The following MTA3 variants were observed in gnomAD, a reference collection of about 807,000 sequenced individuals.
The protein encoded by MTA3 is metastasis-associated protein MTA3.
Under a neutral mutation model 83.5 loss-of-function variants are expected in MTA3, and 34 were observed. That is an observed-to-expected ratio of 0.41 (90% CI 0.31 to 0.54). MTA3 has a LOEUF of 0.54. Ranked by LOEUF, MTA3 falls within the 20% of genes least tolerant of loss-of-function variation. The probability of loss-of-function intolerance (pLI) is 0.33; values close to 1 mark genes in which losing one functional copy is unlikely to be tolerated. For synonymous variants in MTA3, 303 were observed against 252.7 expected (o/e 1.20, Z -1.89); for missense variants, 761 against 726.4 (o/e 1.05, Z -0.55).
chr2:42,591,167 G>C (rs1573105271), intron 3 of MTA3, among the ~76,000 whole-genome samples: 1 of 151,982 alleles, frequency 6.6e-6, no homozygotes, highest in African/African-American at 2.4e-5. Context: ...TTGTACTTAG[G>C]GTACAAATCT....
At chr2:42,672,128 A>C (rs755545521) in intron 8 of MTA3, among the ~76,000 whole-genome samples, 12 of 152,152 alleles carry the variant, frequency 7.9e-5, no homozygotes, top group Non-Finnish European at 1.6e-4. Flanking sequence ...AATTACGCTC[A>C]TAGTAAGTTT....
At chr2:42,627,727 T>TG in intron 4 of MTA3, among the ~76,000 whole-genome samples, 4 of 19,972 alleles carry the variant, frequency 2.0e-4, no homozygotes, top group African/African-American at 6.3e-4. Flanking sequence ...CTGGCTAAAT[T>TG]TTTTTTTTTT....
intron 3 of MTA3, among the ~76,000 whole-genome samples, chr2:42,579,466 A>AC (rs1380152104): frequency 6.7e-6 from 1 of 149,016 alleles, no homozygotes; most frequent in Non-Finnish European, 1.5e-5. Flanking sequence ...TTGCTCTGTC[A>AC]CCCAGGCTGG....
Position 42,644,173 on chromosome 2 carries a change from T to C in MTA3, c.428T>C (p.Leu143Pro), listed in dbSNP as rs1202815453. ...GTCTATGACCCCTCATTGAAAACAC[T>C]ATTAGCTGACAAAGGTGAAATCAGA... is the stretch of plus-strand genomic sequence containing the variant. ...SLVYDPSLKT[L>P]LADKGEIRVG... is the part of the protein sequence containing the mutation. Residue 143 changes from leucine (L) to proline (P), a missense_variant, in exon 6 of 17, where the codon CTA becomes CCA. Transcript: ENST00000405094. 2.5e-6 allele frequency: 4 copies of C among 1,613,160 alleles called. No homozygotes were observed. Among genetic ancestry groups the C allele is most frequent in the African/African-American group, 1.3e-5 (1 of 74,896 alleles).
chr2:42,542,545 T>TTTTA (rs979429919), intron 2 of MTA3, among the ~76,000 whole-genome samples: 26 of 152,048 alleles, frequency 1.7e-4, no homozygotes, highest in South Asian at 1.7e-3. Flanking sequence ...TAATCTTTTA[T>TTTTA]TTTATTTATT....
chr2:42,537,005 A>G (rs1219763863), intron 2 of MTA3, among the ~76,000 whole-genome samples: 1 of 152,186 alleles, frequency 6.6e-6, no homozygotes. Flanking sequence ...TGTAGAACAC[A>G]TCCAAGGTCT....
At position 42,619,916 on chromosome 2, in the gene MTA3, G is replaced by A. The variant is rs565316458; in HGVS notation, c.317+10332G>A. On this transcript the variant is annotated intron_variant, in intron 4 of 16. Transcript: ENST00000405094. Reference sequence around the variant, plus strand: ...AGAACGCTGTGCATTCACAGTTTAAGAAAAAAACAAAGGCAAGTTCTACTT... The same window carrying A: ...AGAACGCTGTGCATTCACAGTTTAAAAAAAAAACAAAGGCAAGTTCTACTT... 5.9e-5 allele frequency among the ~76,000 whole-genome samples: 9 copies of A among 152,080 alleles called. No homozygotes were observed. In the East Asian group the frequency reaches 1.3e-3, roughly 23 times the overall value.
chr2:42,615,711 CTTT>C lies in MTA3; in HGVS notation c.317+6152_317+6154del, dbSNP rs35331224. Among the ~76,000 whole-genome samples the C allele has an allele frequency of 8.4e-3, 504 of 59,646 alleles. 1 individual carries two copies. The highest frequency in any genetic ancestry group is 0.025 in the Middle Eastern group (1 of 40). 39.1% of individuals were successfully genotyped at this position (59,646 alleles called of 152,430 possible). A position where few individuals can be genotyped will look rare whatever the true frequency, so the allele number is the denominator to read the frequency against. ...ACCACAGATACTTGAATAATCTCTT[CTTT>C]TTTTTTTTTTTTTTTTTTTTTTTTG... On this transcript the variant is annotated intron_variant, in intron 4 of 16. Transcript: ENST00000405094.
At chr2:42,656,909 G>A (rs1372689275) in intron 7 of MTA3, among the ~76,000 whole-genome samples, 1 of 152,184 alleles carries the variant, frequency 6.6e-6, no homozygotes, top group Non-Finnish European at 1.5e-5. Flanking sequence ...GCAATTGAAT[G>A]AATTAAAGCT....
intron 8 of MTA3, among the ~76,000 whole-genome samples, chr2:42,672,684 A>T (rs1460067432): frequency 7.0e-6 from 1 of 143,864 alleles, no homozygotes; most frequent in Non-Finnish European, 1.5e-5. Flanking sequence ...AGTAATCAAA[A>T]GGTGTGAGTA....
chr2:42,718,907 T>C, intron 14 of MTA3, 81 bp from the exon 15 acceptor site: 1 of 1,053,778 alleles, frequency 9.5e-7, no homozygotes, highest in South Asian at 1.4e-5. Flanking sequence ...TTTCCACTTG[T>C]ACCTTTATTT....
At chr2:42,498,844 A>C (rs991697206) in intron 2 of MTA3, among the ~76,000 whole-genome samples, 7 of 152,202 alleles carry the variant, frequency 4.6e-5, no homozygotes, top group Non-Finnish European at 8.8e-5. Flanking sequence ...AGCCACAGTA[A>C]TTTAGAAATT....
At chr2:42,595,676 C>T (rs1215627015) in intron 3 of MTA3, among the ~76,000 whole-genome samples, 2 of 152,076 alleles carry the variant, frequency 1.3e-5, no homozygotes, top group Non-Finnish European at 2.9e-5. Flanking sequence ...TGTCCTCTAC[C>T]TTCCCATGTT....
intron 14 of MTA3, among the ~76,000 whole-genome samples, chr2:42,717,566 G>A (rs1468453650): frequency 1.3e-5 from 2 of 152,018 alleles, no homozygotes; most frequent in Non-Finnish European, 2.9e-5. Flanking sequence ...CTTACAATAG[G>A]GTATAATGAG....
intron 2 of MTA3, among the ~76,000 whole-genome samples, chr2:42,573,472 A>G (rs1211112821): frequency 1.3e-5 from 2 of 152,004 alleles, no homozygotes; most frequent in African/African-American, 4.8e-5. Context: ...TCAGCTTTCC[A>G]AGTAGCTGAG....
chr2:42,607,866 A>G (rs1045191638), intron 3 of MTA3, among the ~76,000 whole-genome samples: 1 of 152,102 alleles, frequency 6.6e-6, no homozygotes, highest in African/African-American at 2.4e-5. Context: ...CAGGAGAATC[A>G]CTTGAACCCG....
At chr2:42,518,463 T>C (rs1675257291) in intron 2 of MTA3, among the ~76,000 whole-genome samples, 1 of 152,098 alleles carries the variant, frequency 6.6e-6, no homozygotes, top group Non-Finnish European at 1.5e-5. Context: ...GCTAGAGCAA[T>C]TTGAATAACA....
intron 4 of MTA3, among the ~76,000 whole-genome samples, chr2:42,612,155 C>G (rs1027248852): frequency 6.6e-6 from 1 of 151,792 alleles, no homozygotes. Flanking sequence ...AGAGATGGAA[C>G]ATAAAAACGT....
intron 16 of MTA3, among the ~76,000 whole-genome samples, chr2:42,737,253 C>T (rs1668679181): frequency 6.6e-6 from 1 of 152,178 alleles, no homozygotes; most frequent in African/African-American, 2.4e-5. Context: ...TATTTAGGAA[C>T]CCAGAGCACT....
Sources: gnomAD v4.1 joint callset for allele counts (sites outside exome capture counted in the v4.1 genomes callset) on GRCh38, gnomAD v4.1.1 for gene constraint, MANE v1.5 for transcripts, NCBI Gene and HGNC (gene_info 2026-07-23, HGNC 2026-07-21) for gene names.